The following SNX17 variants were observed in gnomAD, a reference collection of about 807,000 sequenced individuals.
The protein encoded by SNX17 is sorting nexin 17.
SNX17 carries 35 observed loss-of-function variants against 64.3 expected under a neutral mutation model. The ratio of observed to expected loss-of-function variants is 0.54; its 90% CI spans 0.42 to 0.72. The LOEUF is 0.72. Among genes scored for constraint, SNX17 ranks in the 30% least tolerant of loss-of-function variants. The pLI is 0.00. For missense variants in SNX17, 538 were observed against 610.0 expected (o/e 0.88, Z 1.24); for synonymous variants, 259 against 230.2 (o/e 1.13, Z -1.13).
intron 2 of SNX17, among the ~76,000 whole-genome samples, chr2:27,371,856 A>G (rs1173859076): frequency 6.6e-6 from 1 of 152,208 alleles, no homozygotes; most frequent in Non-Finnish European, 1.5e-5. Flanking sequence ...AGCTCCACTG[A>G]TAATTAGTTG....
intron 14 of SNX17, 25 bp from the exon 15 acceptor site, chr2:27,376,581 T>C: frequency 6.2e-7 from 1 of 1,614,140 alleles, no homozygotes; most frequent in Non-Finnish European, 8.5e-7. Context: ...CCAAGATCTC[T>C]GACCCCACCC....
chr2:27,371,332 C>T lies in SNX17; in HGVS notation c.127C>T (p.Leu43=). The T allele has an allele frequency of 4.3e-6, 7 of 1,612,528 alleles. No homozygotes were observed. Among genetic ancestry groups the T allele is most frequent in the Non-Finnish European group, 5.9e-6 (7 of 1,179,848 alleles). The part of the protein sequence containing the change: ...CRVRYSQLLG[L]HEQLRKEYGA... ...GGTGCGCTACAGCCAGCTCCTGGGG[C>T]TGCACGAGCAGGTGGGACTAGCACC... Residue 43 remains leucine (L), a synonymous_variant, in exon 2 of 15, where the codon CTG becomes TTG. Transcript: ENST00000233575.
rs1402771635 is a variant in SNX17 at position 27,375,014 on chromosome 2, A to G, written c.682-47A>G. 6.4e-7 allele frequency: 1 copy of G among 1,554,802 alleles called. No homozygotes were observed. Among genetic ancestry groups the G allele is most frequent in the Admixed American group, 1.7e-5 (1 of 59,886 alleles). On this transcript the variant is annotated intron_variant, in intron 8 of 14. Transcript: ENST00000233575. This position sits in a 1 kb window ranked among gnomAD's most constrained non-coding sequence, Gnocchi z 4.1. ...AGGTAATGGTAGACGCTTTCCTTGG[A>G]TTGCTGACTGGGACCTCCTACTGCC... is the stretch of plus-strand genomic sequence containing the variant.
chr2:27,375,418 A>C lies in SNX17; in HGVS notation c.775-88A>C. On this transcript the variant is annotated intron_variant, in intron 9 of 14. Transcript: ENST00000233575. The surrounding 1 kb of genome is among the most constrained non-coding windows in gnomAD (Gnocchi z 4.1). ...CTCCTAAAGTGCTGGGATTATAGGC[A>C]TGAGCCACCGCGCCCGACCGGGGTT... The C allele has an allele frequency of 7.1e-7, 1 of 1,410,350 alleles. No homozygotes were observed. Among genetic ancestry groups the C allele is most frequent in the Non-Finnish European group, 9.9e-7 (1 of 1,007,796 alleles). The allele number at this position is 1,410,350 out of a possible 1,614,324, so 87.4% of individuals were successfully genotyped here.
rs142888525 is a variant in SNX17, at chr2:27,374,721, T to C, written c.644T>C (p.Met215Thr). 249 of 1,614,076 alleles carry C rather than the reference T, an allele frequency of 1.5e-4. No individual in the cohort carries two copies. The highest frequency in any genetic ancestry group is 2.0e-4 in the Non-Finnish European group (231 of 1,180,040). ...GACTCTGCCTATGATGACGATGTCA[T>C]GGAGAACCGGGTTGGCCTGAACCTG... ...YWDSAYDDDV[M>T]ENRVGLNLLY... Residue 215 changes from methionine (M) to threonine (T), a missense_variant, in exon 8 of 15, where the codon ATG becomes ACG. By Grantham distance (81) the Met-to-Thr change is moderately conservative. Transcript: ENST00000233575.
chr2:27,373,174 C>G (rs1682813449), intron 3 of SNX17, 73 bp from the exon 4 acceptor site: 27 of 1,609,904 alleles, frequency 1.7e-5, no homozygotes, highest in Non-Finnish European at 2.2e-5. Context: ...GTCGGGGGAA[C>G]CTACTGAGAG....
rs779146357 is a variant in SNX17, at chr2:27,376,169, G to A, written c.1168G>A (p.Gly390Ser). The change falls in exon 12 of 15, where the codon GGC becomes AGC. Residue 390 changes from glycine to serine, a missense_variant. Gly to Ser is a moderately conservative substitution (Grantham distance 56, BLOSUM62 0). Transcript: ENST00000233575. ...VDELMVKKSGGSIRKMLRRRV... is the reference protein window; with the variant it reads ...VDELMVKKSGSSIRKMLRRRV... ...TGAACTGATGGTGAAGAAATCTGGC[G>A]GCAGTATCAGGAAGGTAGGCAGCAA... 28 of 1,613,980 alleles carry A rather than the reference G, an allele frequency of 1.7e-5. No individual in the cohort carries two copies. Among genetic ancestry groups the A allele is most frequent in the African/African-American group, 4.0e-5 (3 of 74,894 alleles).
chr2:27,377,287 T>G lies in SNX17; in HGVS notation c.*568T>G, dbSNP rs934596594. 1 of 628,678 alleles carries G rather than the reference T, an allele frequency of 1.6e-6. No individual in the cohort carries two copies. Among genetic ancestry groups the G allele is most frequent in the Non-Finnish European group, 2.9e-6 (1 of 350,378 alleles). 38.9% of individuals were successfully genotyped at this position (628,678 alleles called of 1,614,324 possible). A position where few individuals can be genotyped will look rare whatever the true frequency, so the allele number is the denominator to read the frequency against. On this transcript the variant is annotated 3_prime_UTR_variant, in exon 15 of 15. Transcript: ENST00000233575. The surrounding 1 kb of genome is among the most constrained non-coding windows in gnomAD (Gnocchi z 4.4). ...CACTGAAATAAGTTAAATAAACAGG[T>G]GGGAGGCTGGGCAGTCCCCCAGCCG...
At chr2:27,373,134 T>C (rs948858214) in intron 3 of SNX17, 113 bp from the exon 4 acceptor site, 1 of 1,600,236 alleles carries the variant, frequency 6.2e-7, no homozygotes, top group African/African-American at 1.3e-5. Context: ...CTGGGGGATG[T>C]GGCAGGCCAC....
At chr2:27,370,937 C>A in intron 1 of SNX17, 131 bp downstream of exon 1, 2 of 1,031,678 alleles carry the variant, frequency 1.9e-6, no homozygotes, top group Admixed American at 2.8e-5. Flanking sequence ...TCCCGACGGC[C>A]TCTCTGGGAG....
Position 27,376,388 on chromosome 2 carries a change from G to C in SNX17, c.1257+1G>C. The C allele has an allele frequency of 6.2e-7, 1 of 1,613,986 alleles. No individual in the cohort carries two copies. The highest frequency in any genetic ancestry group is 8.5e-7 in the Non-Finnish European group (1 of 1,179,944). Reference sequence around the variant, plus strand: ...AGCAGTGAAGTCCCCACCACTGCTTGTAAGTATTACCTCCTGGTCAGAACC... The same window carrying C: ...AGCAGTGAAGTCCCCACCACTGCTTCTAAGTATTACCTCCTGGTCAGAACC... On this transcript the variant is annotated splice_donor_variant, in intron 13 of 14. Coordinates refer to ENST00000233575, the MANE Select transcript of SNX17 (RefSeq NM_014748.4). LOFTEE classifies it high-confidence loss of function.
chr2:27,371,219 GGT>G (rs1682492171), intron 1 of SNX17, 48 bp from the exon 2 acceptor site: 19 of 1,545,034 alleles, frequency 1.2e-5, no homozygotes, highest in Non-Finnish European at 1.5e-5. Flanking sequence ...TTCTCAGGGG[GGT>G]TGCGCAGACC....
chr2:27,374,556 T>C, intron 7 of SNX17, 123 bp downstream of exon 7: 1 of 1,231,722 alleles, frequency 8.1e-7, no homozygotes, highest in Non-Finnish European at 1.2e-6. Context: ...CTGCCAGGCC[T>C]CCCAAGCTTC....
At position 27,377,172 on chromosome 2, in the gene SNX17, T is replaced by C. The variant is rs866060646; in HGVS notation, c.*453T>C. ...TGCCCCTGCTTCCCCCATCACAGCA[T>C]GGACTACTATGCTAAGGGTAAGGCC... On this transcript the variant is annotated 3_prime_UTR_variant, in exon 15 of 15. Transcript: ENST00000233575. The surrounding 1 kb of genome is among the most constrained non-coding windows in gnomAD (Gnocchi z 4.4). The C allele has an allele frequency of 3.2e-5, 14 of 435,538 alleles. No homozygotes were observed. The highest frequency in any genetic ancestry group is 5.1e-5 in the Non-Finnish European group (12 of 233,810). The allele number at this position is 435,538 out of a possible 1,614,324, so 27.0% of individuals were successfully genotyped here.
intron 8 of SNX17, 137 bp downstream of exon 8, chr2:27,374,895 A>G (rs910220327): frequency 2.1e-6 from 2 of 975,038 alleles, no homozygotes; most frequent in Non-Finnish European, 3.2e-6. Context: ...TGCTGGCACA[A>G]TATCTACTCT....
At position 27,376,029 on chromosome 2, in the gene SNX17, C is replaced by T. The variant is rs557065291; in HGVS notation, c.1104+58C>T. ...ACCTTAAAGTGTAGAGTTTCCAGTA[C>T]TCAATATGGGAGGCATTAGTGGTGC... On this transcript the variant is annotated intron_variant, in intron 11 of 14. Transcript: ENST00000233575. The T allele has an allele frequency of 1.7e-5, 27 of 1,613,662 alleles. No homozygotes were observed. In the African/African-American group the frequency reaches 2.4e-4, roughly 14 times the overall value.
chr2:27,373,725 A>G, intron 4 of SNX17, 136 bp from the exon 5 acceptor site: 1 of 656,112 alleles, frequency 1.5e-6, no homozygotes. Flanking sequence ...TTCTATTCTT[A>G]TGAAATCAAA....
At position 27,377,423 on chromosome 2, in the gene SNX17, CCCATGGGGTTGGGCTGGTCCT is replaced by C; in HGVS notation, c.*705_*725del. On this transcript the variant is annotated 3_prime_UTR_variant, in exon 15 of 15. Transcript: ENST00000233575. The surrounding 1 kb of genome is among the most constrained non-coding windows in gnomAD (Gnocchi z 4.4). ...CCCCTGGTCCATATGGGCCCCCCCG[CCCATGGGGTTGGGCTGGTCCT>C]TATAGTGCCTACGTTAGTCTGTGTG... 9.0e-7 allele frequency: 1 copy of C among 1,110,544 alleles called. No individual in the cohort carries two copies. The highest frequency in any genetic ancestry group is 1.9e-5 in the Admixed American group (1 of 51,312). 68.8% of individuals were successfully genotyped at this position (1,110,544 alleles called of 1,614,324 possible).
At position 27,376,707 on chromosome 2, in the gene SNX17, T is replaced by G; in HGVS notation, c.1401T>G (p.Asp467Glu). ...ATTTCGCCTTCGAGGGCATTGGAGA[T>G]GAGGATCTGTAATCTCCACTGCTTG... ...HGNFAFEGIG[D>E]EDL The change falls in exon 15 of 15, where the codon GAT (aspartate) becomes GAG (glutamate). Residue 467 changes from aspartate (D) to glutamate (E), a missense_variant. Asp to Glu is a conservative substitution (Grantham distance 45). Transcript: ENST00000233575. 6.2e-7 allele frequency: 1 copy of G among 1,614,016 alleles called. No individual in the cohort carries two copies. The highest frequency in any genetic ancestry group is 1.1e-5 in the South Asian group (1 of 91,078).
Sources: gnomAD v4.1 joint callset for allele counts (sites outside exome capture counted in the v4.1 genomes callset) on GRCh38, gnomAD v4.1.1 for gene constraint, Gnocchi (gnomAD v3.1) non-coding constraint, MANE v1.5 for transcripts, NCBI Gene and HGNC (gene_info 2026-07-23, HGNC 2026-07-21) for gene names.